ARMC3: variants seen among roughly 807,000 people sequenced by gnomAD.
ARMC3 encodes the protein armadillo repeat-containing protein 3.
A neutral mutation model predicts 90.3 loss-of-function variants in ARMC3; 74 were observed. The ratio of observed to expected loss-of-function variants is 0.82; its 90% confidence interval spans 0.68 to 0.99. ARMC3 has a LOEUF of 0.99. Among genes scored for constraint, ARMC3 ranks in the 50% least tolerant of loss-of-function variants. ARMC3 has a pLI of 0.00. For synonymous variants in ARMC3, 334 were observed against 361.8 expected, an observed-to-expected ratio of 0.92 and a Z score of 0.87; for missense variants, 958 against 1,042.8, an observed-to-expected ratio of 0.92 and a Z score of 1.12.
At chr10:22,940,201 T>C (rs1834271365) in intron 2 of ARMC3, among the ~76,000 whole-genome samples, 1 of 152,256 alleles carries the variant, frequency 6.6e-6, no homozygotes, top group African/African-American at 2.4e-5. Flanking sequence ...GGACATTTTA[T>C]GATACAAAGG....
intron 2 of ARMC3, among the ~76,000 whole-genome samples, chr10:22,938,991 G>A (rs1834217905): frequency 6.6e-6 from 1 of 152,166 alleles, no homozygotes; most frequent in Admixed American, 6.5e-5. Flanking sequence ...CATGTGACAT[G>A]GTGCTCCCAG....
chr10:23,014,318 T>A, intron 16 of ARMC3: 1 of 1,412,362 alleles, frequency 7.1e-7, no homozygotes, highest in African/African-American at 1.4e-5. Context: ...AGGGGCTCAA[T>A]GTGCGTCCCT....
chr10:22,940,694 C>A (rs889747576), intron 2 of ARMC3, among the ~76,000 whole-genome samples: 1 of 152,102 alleles, frequency 6.6e-6, no homozygotes, highest in Non-Finnish European at 1.5e-5. Flanking sequence ...CTATGTTGCC[C>A]AGGCTGGTCT....
At chr10:22,955,019 G>A (rs959240988) in intron 3 of ARMC3, among the ~76,000 whole-genome samples, 1 of 152,116 alleles carries the variant, frequency 6.6e-6, no homozygotes, top group Admixed American at 6.5e-5. Flanking sequence ...GAGCTCTGAT[G>A]TCCCAGGGCA....
At chr10:22,953,403 T>G (rs1202378902) in intron 3 of ARMC3, among the ~76,000 whole-genome samples, 1 of 151,446 alleles carries the variant, frequency 6.6e-6, no homozygotes, top group Non-Finnish European at 1.5e-5. Context: ...AAAAATATAT[T>G]TTTTTAAAAG....
At chr10:22,931,158 A>C (rs972086170) in intron 1 of ARMC3, among the ~76,000 whole-genome samples, 1 of 152,074 alleles carries the variant, frequency 6.6e-6, no homozygotes, top group South Asian at 2.1e-4. Flanking sequence ...TGAACTCCTG[A>C]CCTCGTGATT....
intron 10 of ARMC3, among the ~76,000 whole-genome samples, chr10:22,990,653 C>A (rs1182654790): frequency 6.6e-6 from 1 of 152,178 alleles, no homozygotes. Flanking sequence ...GGTGCTTACT[C>A]ACAGTCACAG....
At chr10:22,967,463 C>T (rs1210556844) in intron 7 of ARMC3, among the ~76,000 whole-genome samples, 2 of 152,084 alleles carry the variant, frequency 1.3e-5, no homozygotes, top group Admixed American at 1.3e-4. Context: ...CCAAATATTT[C>T]CCAATGCTTA....
At chr10:23,020,535 T>G (rs1214477634) in intron 16 of ARMC3, among the ~76,000 whole-genome samples, 4 of 152,366 alleles carry the variant, frequency 2.6e-5, no homozygotes, top group South Asian at 2.1e-4. Flanking sequence ...TTTTCCAGAA[T>G]AGCAATAGCA....
chr10:22,953,804 C>T (rs1369021839), intron 3 of ARMC3, among the ~76,000 whole-genome samples: 1 of 152,192 alleles, frequency 6.6e-6, no homozygotes, highest in African/African-American at 2.4e-5. Flanking sequence ...CATAATCTGG[C>T]TCTGTTCACT....
intron 10 of ARMC3, among the ~76,000 whole-genome samples, chr10:22,986,115 C>CT (rs1223537634): frequency 6.8e-6 from 1 of 147,486 alleles, no homozygotes; most frequent in African/African-American, 2.5e-5. Context: ...TGCACGCCCC[C>CT]CCCCCGCGCC....
At chr10:23,019,115 AT>A (rs35524655) in intron 16 of ARMC3, among the ~76,000 whole-genome samples, 10,214 of 152,262 alleles carry the variant, frequency 0.067, 375 homozygotes, top group South Asian at 0.088. Context: ...ATAAGCCATT[AT>A]TTACCAGCTC....
chr10:22,952,931 T>C (rs184426866), intron 3 of ARMC3, among the ~76,000 whole-genome samples: 1 of 152,260 alleles, frequency 6.6e-6, no homozygotes, highest in Admixed American at 6.5e-5. Flanking sequence ...CCCCAAAATA[T>C]CTACATCAGA....
At chr10:23,037,149 C>T (rs1839152683) in intron 18 of ARMC3, 121 bp from the exon 19 acceptor site, 1 of 899,802 alleles carries the variant, frequency 1.1e-6, no homozygotes, top group African/African-American at 1.7e-5. Context: ...AGCCTCCTAT[C>T]TAAACATTTC....
At chr10:22,966,640 G>A (rs1835451575) in intron 7 of ARMC3, among the ~76,000 whole-genome samples, 1 of 152,172 alleles carries the variant, frequency 6.6e-6, no homozygotes, top group African/African-American at 2.4e-5. Context: ...AGAACTGCCC[G>A]AGACTGGGTC....
intron 10 of ARMC3, among the ~76,000 whole-genome samples, chr10:22,994,164 G>A (rs1408327586): frequency 6.6e-6 from 1 of 152,224 alleles, no homozygotes; most frequent in African/African-American, 2.4e-5. Context: ...GCCTCCTTGA[G>A]GAAAAGACAT....
chr10:22,989,625 C>T (rs1836620121), intron 10 of ARMC3, among the ~76,000 whole-genome samples: 2 of 152,106 alleles, frequency 1.3e-5, no homozygotes, highest in African/African-American at 4.8e-5. Context: ...TAAGGATGAG[C>T]TCTGGAAGAA....
At chr10:22,962,794 T>G (rs904291377) in intron 7 of ARMC3, among the ~76,000 whole-genome samples, 1 of 152,208 alleles carries the variant, frequency 6.6e-6, no homozygotes, top group African/African-American at 2.4e-5. Context: ...TTAAATTTTT[T>G]TCTAAAAAAA....
At chr10:22,972,344 G>C (rs1252388175) in intron 8 of ARMC3, among the ~76,000 whole-genome samples, 2 of 151,978 alleles carry the variant, frequency 1.3e-5, no homozygotes, top group African/African-American at 4.8e-5. Context: ...TCCATTTTGA[G>C]TTTATTTTTA....
Sources: gnomAD v4.1 joint callset for allele counts (sites outside exome capture counted in the v4.1 genomes callset) on GRCh38, gnomAD v4.1.1 for gene constraint, MANE v1.5 for transcripts, NCBI Gene and HGNC (gene_info 2026-07-23, HGNC 2026-07-21) for gene names.